Variants in OPN5 observed in about 807,000 individuals in gnomAD.
OPN5 encodes the protein opsin-5.
A neutral mutation model predicts 41.7 loss-of-function variants in OPN5; 18 were observed. That is an observed-to-expected ratio of 0.43 (90% CI 0.30 to 0.64). The LOEUF (loss-of-function observed/expected upper bound fraction) is 0.64, where lower values mean the gene tolerates loss of function less well. OPN5 is among the 30% of genes least tolerant of loss of function. The pLI is 0.13. For synonymous variants in OPN5, 178 were observed against 164.3 expected (o/e 1.08, Z -0.64); for missense variants, 318 against 434.5 (o/e 0.73, Z 2.38).
intron 2 of OPN5, chr6:47,787,048 G>A: frequency 2.0e-6 from 2 of 988,548 alleles, no homozygotes; most frequent in Non-Finnish European, 2.4e-6. Flanking sequence ...AATCTTGAAG[G>A]GTAAATGACA....
chr6:47,786,440 GT>G, intron 1 of OPN5, 74 bp from the exon 2 acceptor site: 1 of 1,253,558 alleles, frequency 8.0e-7, no homozygotes, highest in Non-Finnish European at 1.1e-6. Context: ...CATTTTTGAA[GT>G]TGAGAAGTGT....
intron 3 of OPN5, chr6:47,793,820 G>A (rs907608149): frequency 2.4e-5 from 23 of 946,886 alleles, no homozygotes; most frequent in African/African-American, 3.5e-5. Flanking sequence ...ATGCTTATAC[G>A]TATGCCTATG....
chr6:47,791,072 CT>C (rs1341095476), intron 2 of OPN5, among the ~76,000 whole-genome samples: 1 of 152,068 alleles, frequency 6.6e-6, no homozygotes, highest in African/African-American at 2.4e-5. Flanking sequence ...CTTTTTCCTC[CT>C]TTTCTTCATT....
intron 6 of OPN5, among the ~76,000 whole-genome samples, chr6:47,813,351 T>A (rs1161919582): frequency 6.6e-6 from 1 of 152,156 alleles, no homozygotes; most frequent in Non-Finnish European, 1.5e-5. Flanking sequence ...AACAATAGTA[T>A]CACAGGGTCA....
chr6:47,816,434 G>C (rs1321559816), intron 6 of OPN5, among the ~76,000 whole-genome samples: 1 of 152,112 alleles, frequency 6.6e-6, no homozygotes, highest in Non-Finnish European at 1.5e-5. Context: ...GTCTTCTAGA[G>C]CAGAATTCAA....
chr6:47,806,456 C>A (rs559253807), intron 4 of OPN5, among the ~76,000 whole-genome samples: 1 of 152,248 alleles, frequency 6.6e-6, no homozygotes, highest in South Asian at 2.1e-4. Flanking sequence ...TGTACATGGG[C>A]AGGGATGTGT....
intron 4 of OPN5, among the ~76,000 whole-genome samples, chr6:47,799,628 G>A (rs1288203650): frequency 5.3e-5 from 8 of 152,140 alleles, no homozygotes; most frequent in African/African-American, 1.7e-4. Context: ...CAACCCTTCC[G>A]GTGCATCTTG....
At chr6:47,783,711 G>A (rs1773132188) in intron 1 of OPN5, among the ~76,000 whole-genome samples, 1 of 152,152 alleles carries the variant, frequency 6.6e-6, no homozygotes, top group Admixed American at 6.5e-5. Context: ...ATAGAGCAGA[G>A]AATAAAATGG....
chr6:47,783,667 G>T (rs984285503), intron 1 of OPN5, among the ~76,000 whole-genome samples: 4 of 152,148 alleles, frequency 2.6e-5, no homozygotes, highest in Non-Finnish European at 5.9e-5. Context: ...TATATTGAGC[G>T]CCCACTCTTT....
chr6:47,792,981 C>T (rs546407129), intron 3 of OPN5, among the ~76,000 whole-genome samples: 2 of 56,326 alleles, frequency 3.6e-5, no homozygotes, highest in Admixed American at 2.7e-4. Flanking sequence ...TCCAGCACTA[C>T]GTTTTTTTTT....
At chr6:47,786,472 A>G in intron 1 of OPN5, 43 bp from the exon 2 acceptor site, 1 of 1,577,256 alleles carries the variant, frequency 6.3e-7, no homozygotes, top group Non-Finnish European at 8.7e-7. Context: ...AGTGAACTCG[A>G]AATCTTAGTT....
intron 6 of OPN5, 183 bp downstream of exon 6, chr6:47,811,914 G>A: frequency 6.8e-6 from 3 of 438,186 alleles, no homozygotes; most frequent in Admixed American, 3.8e-5. Flanking sequence ...CTAGATTACA[G>A]GATACTAATT....
intron 4 of OPN5, among the ~76,000 whole-genome samples, chr6:47,796,430 C>A (rs1773574393): frequency 6.6e-6 from 1 of 151,988 alleles, no homozygotes; most frequent in Non-Finnish European, 1.5e-5. Flanking sequence ...TGATTTTTTG[C>A]CCTTGTACTG....
At chr6:47,782,222 A>C (rs772368934) in intron 1 of OPN5, 26 bp downstream of exon 1, 1 of 1,607,930 alleles carries the variant, frequency 6.2e-7, no homozygotes, top group South Asian at 1.1e-5. Context: ...TCTTCTGTGC[A>C]AAGGCTGCAT....
intron 6 of OPN5, among the ~76,000 whole-genome samples, chr6:47,819,113 G>A: frequency 6.6e-6 from 1 of 151,698 alleles, no homozygotes; most frequent in Admixed American, 6.6e-5. Context: ...AAAGGAGGCA[G>A]GTGTGGCTTC....
chr6:47,818,975 G>C (rs1344931377), intron 6 of OPN5, among the ~76,000 whole-genome samples: 1 of 151,998 alleles, frequency 6.6e-6, no homozygotes, highest in African/African-American at 2.4e-5. Flanking sequence ...AGCTGCTGCT[G>C]GTCCAAGCCC....
intron 1 of OPN5, among the ~76,000 whole-genome samples, chr6:47,784,150 T>A (rs1773142345): frequency 6.6e-6 from 1 of 151,830 alleles, no homozygotes; most frequent in South Asian, 2.1e-4. Context: ...CACTAGGAGG[T>A]GGAGCCAATG....
chr6:47,793,217 T>C (rs1773442280), intron 3 of OPN5, among the ~76,000 whole-genome samples: 1 of 151,998 alleles, frequency 6.6e-6, no homozygotes, highest in Non-Finnish European at 1.5e-5. Context: ...TTCCTGAGAG[T>C]GTTTGAGGAA....
At chr6:47,824,186 T>A (rs956144127) in exon 7 of OPN5, 4 of 597,582 alleles carry the variant, frequency 6.7e-6, no homozygotes, top group Admixed American at 2.9e-5. Flanking sequence ...AACTGAGTTA[T>A]CTCATTCTGG....
Sources: gnomAD v4.1 joint callset for allele counts (sites outside exome capture counted in the v4.1 genomes callset) on GRCh38, gnomAD v4.1.1 for gene constraint, MANE v1.5 for transcripts, NCBI Gene and HGNC (gene_info 2026-07-23, HGNC 2026-07-21) for gene names.